The following ANK2 variants were observed in gnomAD, a reference collection of about 807,000 sequenced individuals.
ANK2 encodes the protein ankyrin-2.
In ANK2, 83 loss-of-function variants were observed where a neutral mutation model predicts 360.5. The ratio of observed to expected loss-of-function variants is 0.23; its 90% CI spans 0.19 to 0.28. The LOEUF (loss-of-function observed/expected upper bound fraction) is 0.28. Ranked by LOEUF, ANK2 falls within the 10% of genes least tolerant of loss-of-function variation. The probability of loss-of-function intolerance (pLI) is 1.00; values close to 1 mark genes in which losing one functional copy is unlikely to be tolerated. For synonymous variants in ANK2, 1,740 were observed against 1,759.5 expected (o/e 0.99, Z 0.28); for missense variants, 4,201 against 4,795.7 (o/e 0.88, Z 3.66).
At chr4:113,362,864 C>T (rs2096300237) in intron 39 of ANK2, among the ~76,000 whole-genome samples, 1 of 152,140 alleles carries the variant, frequency 6.6e-6, no homozygotes, top group African/African-American at 2.4e-5. Flanking sequence ...CAAAGAAAGG[C>T]ATTTATCCAA....
chr4:112,772,036 C>T, the ANK2 span, among the ~76,000 whole-genome samples: 1 of 152,156 alleles, frequency 6.6e-6, no homozygotes, highest in Admixed American at 6.5e-5. Context: ...TCAGAAAATC[C>T]TTCTCGCATA....
intron 33 of ANK2, among the ~76,000 whole-genome samples, chr4:113,342,155 G>A (rs2094367923): frequency 6.6e-6 from 1 of 152,100 alleles, no homozygotes; most frequent in African/African-American, 2.4e-5. Context: ...GATTATTTGA[G>A]GAAAAATTAT....
intron 45 of ANK2, 37 bp from the exon 46 acceptor site, chr4:113,381,420 A>G (rs2097168826): frequency 6.2e-7 from 1 of 1,613,478 alleles, no homozygotes; most frequent in African/African-American, 1.3e-5. Flanking sequence ...TCTGGCAGTG[A>G]AAAGAGCGTA....
chr4:112,980,749 A>C (rs185957682), intron 2 of ANK2, among the ~76,000 whole-genome samples: 89 of 152,348 alleles, frequency 5.8e-4, no homozygotes, highest in African/African-American at 1.9e-3. Context: ...ACAGCTGACT[A>C]TAAAGTACAA....
At chr4:113,028,762 A>G (rs748110240) in intron 2 of ANK2, among the ~76,000 whole-genome samples, 5 of 152,158 alleles carry the variant, frequency 3.3e-5, no homozygotes, top group Non-Finnish European at 7.4e-5. Context: ...AATGAGAAGA[A>G]TGATTTTATC....
At chr4:113,128,359 G>A (rs1291347231) in intron 1 of ANK2, among the ~76,000 whole-genome samples, 1 of 152,178 alleles carries the variant, frequency 6.6e-6, no homozygotes, top group Non-Finnish European at 1.5e-5. Flanking sequence ...GCTTTTGAAA[G>A]CACTTATGTG....
chr4:112,952,663 A>C (rs1318399753), intron 2 of ANK2, among the ~76,000 whole-genome samples: 1 of 152,240 alleles, frequency 6.6e-6, no homozygotes, highest in Non-Finnish European at 1.5e-5. Flanking sequence ...TTTTTAAATA[A>C]AAGGATGAAC....
At chr4:113,098,234 T>G (rs6822373) in intron 1 of ANK2, among the ~76,000 whole-genome samples, 124,274 of 151,642 alleles carry the variant, frequency 0.82, 51,492 homozygotes, top group African/African-American at 0.95. Context: ...AAATGAAATT[T>G]AAAACAATAG....
chr4:113,220,802 G>A (rs939575039), intron 4 of ANK2, among the ~76,000 whole-genome samples: 1 of 152,214 alleles, frequency 6.6e-6, no homozygotes, highest in Non-Finnish European at 1.5e-5. Flanking sequence ...ACAAATCTAA[G>A]TCATCTATAA....
chr4:113,121,495 G>A (rs888171620), intron 1 of ANK2, among the ~76,000 whole-genome samples: 2 of 152,066 alleles, frequency 1.3e-5, no homozygotes, highest in South Asian at 2.1e-4. Flanking sequence ...ATGTAAATTC[G>A]TGTTGGGATT....
the ANK2 span, among the ~76,000 whole-genome samples, chr4:112,712,968 C>G: frequency 6.6e-6 from 1 of 152,084 alleles, no homozygotes; most frequent in African/African-American, 2.4e-5. Flanking sequence ...ATAGTTCTAT[C>G]TCCCTGAAAA....
chr4:112,712,387 CATATAT>C, the ANK2 span, among the ~76,000 whole-genome samples: 1,164 of 115,346 alleles, frequency 0.01, 16 homozygotes, highest in Middle Eastern at 0.027. Context: ...GCCAAGATGT[CATATAT>C]ATATATATAT....
At chr4:112,978,054 G>A (rs2042002084) in intron 2 of ANK2, among the ~76,000 whole-genome samples, 2 of 152,078 alleles carry the variant, frequency 1.3e-5, no homozygotes, top group African/African-American at 4.8e-5. Flanking sequence ...GACCAGCCAG[G>A]CCAACATGGT....
chr4:113,042,221 G>A (rs562770450), intron 2 of ANK2, among the ~76,000 whole-genome samples: 3 of 152,108 alleles, frequency 2.0e-5, no homozygotes, highest in Non-Finnish European at 4.4e-5. Context: ...CCTGCCCTCA[G>A]ACATCAGTTT....
intron 1 of ANK2, chr4:112,826,257 CTGT>C (rs2058383674): frequency 2.1e-6 from 1 of 465,848 alleles, no homozygotes; most frequent in Non-Finnish European, 3.8e-6. Flanking sequence ...ATCTCATAAC[CTGT>C]TGTTACTATT....
At chr4:113,082,631 C>A (rs1217951885) in intron 1 of ANK2, among the ~76,000 whole-genome samples, 4 of 152,078 alleles carry the variant, frequency 2.6e-5, no homozygotes, top group Non-Finnish European at 4.4e-5. Context: ...TTTGCAAAAC[C>A]AATTCAGCTT....
chr4:112,903,907 G>T (rs1263360803), intron 1 of ANK2, among the ~76,000 whole-genome samples: 1 of 152,124 alleles, frequency 6.6e-6, no homozygotes, highest in African/African-American at 2.4e-5. Flanking sequence ...GTGTCATGAA[G>T]GATAAATAGA....
chr4:113,079,286 C>T (rs776801011), intron 1 of ANK2, among the ~76,000 whole-genome samples: 7 of 152,194 alleles, frequency 4.6e-5, no homozygotes, highest in African/African-American at 7.2e-5. Context: ...GATTTTGTCA[C>T]TGCTCCCTTA....
At chr4:113,297,740 T>G (rs1443729218) in intron 22 of ANK2, among the ~76,000 whole-genome samples, 1 of 152,100 alleles carries the variant, frequency 6.6e-6, no homozygotes, top group African/African-American at 2.4e-5. Context: ...ATATATGCTA[T>G]AATATGTATA....
Sources: allele counts gnomAD v4.1 joint callset (sites outside exome capture counted in the v4.1 genomes callset), GRCh38; gene constraint gnomAD v4.1.1; transcripts MANE v1.5; gene names NCBI Gene and HGNC (gene_info 2026-07-23, HGNC 2026-07-21).